WNT7B: variants seen among roughly 807,000 people sequenced by gnomAD.
WNT7B encodes the protein Wnt family member 7B.
WNT7B carries 19 observed loss-of-function variants against 38.2 expected under a neutral mutation model. That is an observed-to-expected ratio of 0.50 (90% CI 0.35 to 0.73). WNT7B has a LOEUF of 0.73. Ranked by LOEUF, WNT7B falls within the 30% of genes least tolerant of loss-of-function variation. The pLI is 0.01. For synonymous variants in WNT7B, 243 were observed against 209.3 expected, an observed-to-expected ratio of 1.16 and a Z score of -1.39; for missense variants, 423 against 507.9, an observed-to-expected ratio of 0.83 and a Z score of 1.61.
At position 45,923,072 on chromosome 22, in the gene WNT7B, G is replaced by A. The variant is rs542397635; in HGVS notation, c.834C>T (p.Cys278=). 69 of 1,613,322 alleles carry A rather than the reference G, an allele frequency of 4.3e-5. No homozygotes were observed. The African/African-American group carries it at 5.2e-4, about 12-fold the overall frequency. ...LVYIEKSPNY[C]EEDAATGSVG... ...CGCTGCCCGTGGCCGCGTCCTCCTC[G>A]CAGTAGTTGGGCGACTTCTCAATGT... is the stretch of plus-strand genomic sequence containing the variant. Residue 278 remains cysteine, a synonymous_variant, in exon 4 of 4, where the codon TGC becomes TGT. Transcript: ENST00000339464.
chr22:45,975,319 C>T lies in WNT7B; in HGVS notation c.71+1365G>A, dbSNP rs1373927547. The stretch of plus-strand genomic sequence containing the variant: ...GAAGATGCAGGAAAAGAGCAGCCTG[C>T]CCACTCCACCCCCCGCCCAGCAGGC... On this transcript the variant is annotated intron_variant, in intron 1 of 3. Transcript: ENST00000339464. This position sits in a 1 kb window ranked among gnomAD's most constrained non-coding sequence, Gnocchi z 6.6. 6.6e-6 allele frequency among the ~76,000 whole-genome samples: 1 copy of T among 152,130 alleles called. No homozygotes were observed. The highest frequency in any genetic ancestry group is 1.5e-5 in the Non-Finnish European group (1 of 68,028).
intron 2 of WNT7B, among the ~76,000 whole-genome samples, chr22:45,939,949 C>A (rs781054176): frequency 6.6e-6 from 1 of 152,208 alleles, no homozygotes; most frequent in South Asian, 2.1e-4. Flanking sequence ...GAGAGTTAGA[C>A]AGCACCTGAG....
chr22:45,952,052 A>G lies in WNT7B; in HGVS notation c.72-1906T>C, dbSNP rs576494583. Among the ~76,000 whole-genome samples the G allele has an allele frequency of 4.0e-4, 61 of 152,266 alleles. 1 individual carries two copies. The South Asian group carries it at 0.012, about 31-fold the overall frequency. ...GGTTTCAGGCAGACCCGCAGGCAACAGTGGGTTTCAGCACAGCGCTTGGCT... is the reference window on the plus strand; with the variant it reads ...GGTTTCAGGCAGACCCGCAGGCAACGGTGGGTTTCAGCACAGCGCTTGGCT... On this transcript the variant is annotated intron_variant, in intron 1 of 3. Transcript: ENST00000339464.
At chr22:45,929,872 C>A (rs112799999) in intron 3 of WNT7B, among the ~76,000 whole-genome samples, 2 of 117,694 alleles carry the variant, frequency 1.7e-5, no homozygotes, top group Non-Finnish European at 3.6e-5. Flanking sequence ...ATCCATCCAT[C>A]CAACCATCTA....
chr22:45,928,096 G>C (rs1045624635), intron 3 of WNT7B, among the ~76,000 whole-genome samples: 1 of 152,184 alleles, frequency 6.6e-6, no homozygotes, highest in African/African-American at 2.4e-5. Context: ...TGGGGCCCCA[G>C]AGCTGAGAGA....
Position 45,957,794 on chromosome 22 carries a change from G to T in WNT7B, c.72-7648C>A, listed in dbSNP as rs551918452. ...TGTATGTGCCTAGCCCGCACGGGGG[G>T]TGCTAGCCCTTCCTGCACACACGCT... On this transcript the variant is annotated intron_variant, in intron 1 of 3. Coordinates refer to ENST00000339464, the MANE Select transcript of WNT7B (RefSeq NM_058238.3). Among the ~76,000 whole-genome samples the T allele has an allele frequency of 7.2e-4, 110 of 151,886 alleles. 1 individual carries two copies. Among genetic ancestry groups the T allele is most frequent in the African/African-American group, 2.2e-3 (91 of 41,396 alleles).
At position 45,976,369 on chromosome 22, in the gene WNT7B, AC is replaced by A. The variant is rs1189412505; in HGVS notation, c.71+314del. Among the ~76,000 whole-genome samples, 1 of 150,092 alleles carries A rather than the reference AC, an allele frequency of 6.7e-6. No homozygotes were observed. Among genetic ancestry groups the A allele is most frequent in the African/African-American group, 2.5e-5 (1 of 40,698 alleles). On this transcript the variant is annotated intron_variant, in intron 1 of 3. Transcript: ENST00000339464. This position sits in a 1 kb window ranked among gnomAD's most constrained non-coding sequence, Gnocchi z 8.5. ...GCCCGGGGGAGGGAAGGCGCGTCCC[AC>A]CCCCGGGGCCTGGAGCCCAAACAGG...
chr22:45,975,702 CG>C lies in WNT7B; in HGVS notation c.71+981del. 1 of 550,368 alleles carries C rather than the reference CG, an allele frequency of 1.8e-6. No individual in the cohort carries two copies. Among genetic ancestry groups the C allele is most frequent in the Non-Finnish European group, 3.4e-6 (1 of 295,174 alleles). The allele number at this position is 550,368 out of a possible 1,614,324, so 34.1% of individuals were successfully genotyped here. On this transcript the variant is annotated intron_variant, in intron 1 of 3. Transcript: ENST00000339464. The surrounding 1 kb of genome is among the most constrained non-coding windows in gnomAD (Gnocchi z 6.6). ...TTCACCGCCTTGCCTGTGGCCTGGACGGGGCTCGCCTCGGGGCAGCCGGCGG... is the reference window on the plus strand; with the variant it reads ...TTCACCGCCTTGCCTGTGGCCTGGACGGGCTCGCCTCGGGGCAGCCGGCGG...
intron 1 of WNT7B, among the ~76,000 whole-genome samples, chr22:45,971,842 C>T (rs1932447841): frequency 1.3e-5 from 2 of 152,224 alleles, no homozygotes; most frequent in South Asian, 4.1e-4. Flanking sequence ...AATCTCGGCG[C>T]CGCTCGCGTG....
chr22:45,963,910 T>C (rs973893993), intron 1 of WNT7B, among the ~76,000 whole-genome samples: 1 of 151,666 alleles, frequency 6.6e-6, no homozygotes, highest in East Asian at 2.0e-4. Context: ...CAGAAGGAAA[T>C]ACAAGAGCAC....
Position 45,935,255 on chromosome 22 carries a change from A to C in WNT7B, c.299-3886T>G, listed in dbSNP as rs562596727. 3.1e-4 allele frequency among the ~76,000 whole-genome samples: 47 copies of C among 152,318 alleles called. 1 individual carries two copies. The South Asian group carries it at 6.2e-3, about 20-fold the overall frequency. ...CAGCCTGGACCCATGTGCCTTGCTC[A>C]GCAGCTGTCAGTGGCCCCCAAGGCC... On this transcript the variant is annotated intron_variant, in intron 2 of 3. Transcript: ENST00000339464.
At position 45,971,454 on chromosome 22, in the gene WNT7B, C is replaced by T. The variant is rs560141160; in HGVS notation, c.71+5230G>A. On this transcript the variant is annotated intron_variant, in intron 1 of 3. Transcript: ENST00000339464. ...CTGGACTCGGCCCTGCCCGGAGCTT[C>T]TCAGAGCCCCGTGGGCTCTGCCTTG... Among the ~76,000 whole-genome samples, 4 of 152,350 alleles carry T rather than the reference C, an allele frequency of 2.6e-5. No homozygotes were observed. In the South Asian group the frequency reaches 8.3e-4, roughly 32 times the overall value.
intron 2 of WNT7B, among the ~76,000 whole-genome samples, chr22:45,947,857 C>A (rs1469000498): frequency 6.6e-6 from 1 of 152,128 alleles, no homozygotes; most frequent in African/African-American, 2.4e-5. Context: ...GCAGAAGAGA[C>A]TGAGACGGGA....
At chr22:45,974,409 C>G (rs1932511721) in intron 1 of WNT7B, among the ~76,000 whole-genome samples, 3 of 152,196 alleles carry the variant, frequency 2.0e-5, no homozygotes, top group Admixed American at 2.0e-4. Context: ...TGCGCGTAGC[C>G]AAGATGGCTT....
intron 3 of WNT7B, among the ~76,000 whole-genome samples, chr22:45,929,559 CCCATCCCCTCATTCATCCATACTTCCAT>C (rs1240899411): frequency 1.5e-5 from 2 of 136,760 alleles, no homozygotes; most frequent in East Asian, 4.4e-4. Context: ...CATCCTTCCA[CCCATCCCCTCATTCATCCATACTTCCAT>C]CCATTCATGC....
intron 2 of WNT7B, among the ~76,000 whole-genome samples, chr22:45,938,123 G>C (rs1336516697): frequency 6.6e-6 from 1 of 152,212 alleles, no homozygotes; most frequent in Non-Finnish European, 1.5e-5. Context: ...ATACACAATG[G>C]AGTATTACTC....
intron 2 of WNT7B, among the ~76,000 whole-genome samples, chr22:45,933,533 T>C (rs1931432719): frequency 6.7e-6 from 1 of 149,096 alleles, no homozygotes; most frequent in Admixed American, 6.7e-5. Context: ...CAGGGCCCAC[T>C]GGCAAGAAAG....
intron 2 of WNT7B, among the ~76,000 whole-genome samples, chr22:45,942,949 T>G (rs1227906129): frequency 1.1e-5 from 1 of 91,328 alleles, no homozygotes; most frequent in Admixed American, 1.5e-4. Flanking sequence ...GGCGTGTATG[T>G]GTGCAGTGTG....
chr22:45,950,636 G>A (rs546682775), intron 1 of WNT7B, among the ~76,000 whole-genome samples: 2 of 152,302 alleles, frequency 1.3e-5, no homozygotes, highest in East Asian at 1.9e-4. Flanking sequence ...TGAAAAGGCC[G>A]GCAGCCAAGC....
Sources: gnomAD v4.1 joint callset for allele counts (sites outside exome capture counted in the v4.1 genomes callset) on GRCh38, gnomAD v4.1.1 for gene constraint, Gnocchi (gnomAD v3.1) non-coding constraint, MANE v1.5 for transcripts, NCBI Gene and HGNC (gene_info 2026-07-23, HGNC 2026-07-21) for gene names.